GPR107: variants seen among roughly 807,000 people sequenced by gnomAD.
GPR107 encodes protein GPR107.
In GPR107, 31 loss-of-function variants were observed where a neutral mutation model predicts 75.5. That is an observed-to-expected ratio of 0.41 (90% CI 0.31 to 0.55). GPR107 has a LOEUF of 0.55. GPR107 is among the 20% of genes least tolerant of loss of function. The pLI, the probability that GPR107 is intolerant of heterozygous loss-of-function variation, is 0.26. For missense variants in GPR107, 572 were observed against 665.7 expected, an observed-to-expected ratio of 0.86 and a Z score of 1.55; for synonymous variants, 267 against 251.3, an observed-to-expected ratio of 1.06 and a Z score of -0.59.
chr9:130,067,752 C>CCT (rs1554890696), intron 1 of GPR107, among the ~76,000 whole-genome samples: 307 of 115,734 alleles, frequency 2.7e-3, no homozygotes, highest in Admixed American at 3.4e-3. Context: ...CCACCGCCCC[C>CCT]TTTTTTTTTT....
chr9:130,117,693 A>C (rs1373377564), intron 14 of GPR107, among the ~76,000 whole-genome samples: 1 of 152,102 alleles, frequency 6.6e-6, no homozygotes, highest in Non-Finnish European at 1.5e-5. Flanking sequence ...TATTTCTTTA[A>C]TTTTTGTGTT....
In GPR107 at chr9:130,081,363, C is replaced by T. The variant is rs149153908; in HGVS notation, c.526+1594C>T. On this transcript the variant is annotated intron_variant, in intron 5 of 17. Coordinates refer to ENST00000347136, the MANE Select transcript of GPR107 (RefSeq NM_020960.5). Reference sequence around the variant, plus strand: ...GACCAGCCTGGCCAACATGGTGAAACCCCATCTCTACTAAAAATACAAAAA... The same window carrying T: ...GACCAGCCTGGCCAACATGGTGAAATCCCATCTCTACTAAAAATACAAAAA... Among the ~76,000 whole-genome samples, 724 of 152,018 alleles carry T rather than the reference C, an allele frequency of 4.8e-3. 1 individual carries two copies. Among genetic ancestry groups the T allele is most frequent in the Non-Finnish European group, 7.1e-3 (484 of 67,960 alleles).
chr9:130,088,309 G>A lies in GPR107; in HGVS notation c.621+1833G>A, dbSNP rs1474707922. Among the ~76,000 whole-genome samples the A allele has an allele frequency of 2.0e-5, 3 of 152,326 alleles. No homozygotes were observed. In the East Asian group the frequency reaches 5.8e-4, roughly 29 times the overall value. Reference sequence around the variant, plus strand: ...CTGCTCTCGCTGTTCCCACAGGCAGGAATGCTGTCTCTCAGAATTCCGTAA... The same window carrying A: ...CTGCTCTCGCTGTTCCCACAGGCAGAAATGCTGTCTCTCAGAATTCCGTAA... On this transcript the variant is annotated intron_variant, in intron 7 of 17. Coordinates refer to ENST00000347136, the MANE Select transcript of GPR107 (RefSeq NM_020960.5).
rs34230243 is a variant in GPR107 at position 130,096,468 on chromosome 9, C to CTTT, written c.864-2973_864-2971dup. On this transcript the variant is annotated intron_variant, in intron 9 of 17. Coordinates refer to ENST00000347136, the MANE Select transcript of GPR107 (RefSeq NM_020960.5). ...AATGTGTTGCATATACATTTTTGGA[C>CTTT]TTTTTTTTTTTTTTTTTTGAGACCT... 3.1e-3 allele frequency among the ~76,000 whole-genome samples: 385 copies of CTTT among 122,310 alleles called. 19 individuals are homozygous for CTTT. Among genetic ancestry groups the CTTT allele is most frequent in the African/African-American group, 9.0e-3 (287 of 31,730 alleles). 80.2% of individuals were successfully genotyped at this position (122,310 alleles called of 152,430 possible).
At position 130,092,166 on chromosome 9, in the gene GPR107, G is replaced by GT. The variant is rs1830754202; in HGVS notation, c.730-81dup. On this transcript the variant is annotated intron_variant, in intron 8 of 17. Coordinates refer to ENST00000347136, the MANE Select transcript of GPR107 (RefSeq NM_020960.5). ...CTGGTACTTACTTTCTTAAGCTTAA[G>GT]TGAAACAACTGAGATTCCAAATTGC... The GT allele has an allele frequency of 3.2e-6, 4 of 1,240,590 alleles. No homozygotes were observed. The South Asian group carries it at 5.1e-5, about 16-fold the overall frequency. The allele number at this position is 1,240,590 out of a possible 1,614,324, so 76.8% of individuals were successfully genotyped here.
chr9:130,066,166 G>A (rs1376782286), intron 1 of GPR107, among the ~76,000 whole-genome samples: 1 of 151,824 alleles, frequency 6.6e-6, no homozygotes, highest in African/African-American at 2.4e-5. Context: ...GGGTGTGGTG[G>A]TGTGCACCTG....
At chr9:130,056,999 C>T (rs984891744) in intron 1 of GPR107, among the ~76,000 whole-genome samples, 1 of 150,374 alleles carries the variant, frequency 6.7e-6, no homozygotes, top group African/African-American at 2.5e-5. Flanking sequence ...CATCCTGGGC[C>T]GCATGCATCC....
Position 130,103,288 on chromosome 9 carries a change from T to G in GPR107, c.1132-1132T>G, listed in dbSNP as rs1831081368. ...TCCTGTATAGAAAGAGAAATTAAAC[T>G]TAGAGACTTCCTAAATAATAGCACT... On this transcript the variant is annotated intron_variant, in intron 12 of 17. Transcript: ENST00000347136. This position sits in a 1 kb window ranked among gnomAD's most constrained non-coding sequence, Gnocchi z 4.3. 2.6e-5 allele frequency among the ~76,000 whole-genome samples: 4 copies of G among 152,206 alleles called. No homozygotes were observed. Among genetic ancestry groups the G allele is most frequent in the South Asian group, 4.1e-4 (2 of 4,834 alleles).
intron 9 of GPR107, among the ~76,000 whole-genome samples, chr9:130,092,796 T>A (rs1830774095): frequency 6.6e-6 from 1 of 152,074 alleles, no homozygotes; most frequent in Non-Finnish European, 1.5e-5. Context: ...TGTTTTTGTA[T>A]TTTTAGTGGT....
In GPR107 at chr9:130,138,626, G is replaced by A. The variant is rs567083729; in HGVS notation, c.*3505G>A. The A allele has an allele frequency of 2.0e-5, 3 of 151,580 alleles. No homozygotes were observed. Among genetic ancestry groups the A allele is most frequent in the Non-Finnish European group, 4.4e-5 (3 of 67,976 alleles). 9.4% of individuals were successfully genotyped at this position (151,580 alleles called of 1,614,324 possible). On this transcript the variant is annotated 3_prime_UTR_variant, in exon 18 of 18. Transcript: ENST00000347136. ...CACATAGGCTCATTCTGGGTACACC[G>A]GCTAAAGGCTTTGGTGCATTGCAGC...
At chr9:130,081,587 T>C (rs117245410) in intron 5 of GPR107, among the ~76,000 whole-genome samples, 3,397 of 151,098 alleles carry the variant, frequency 0.022, 54 homozygotes, top group Middle Eastern at 0.034. Flanking sequence ...GCAGGAGAAT[T>C]GCTTGGACCA....
chr9:130,123,813 C>A (rs1831609459), intron 14 of GPR107, among the ~76,000 whole-genome samples: 1 of 152,056 alleles, frequency 6.6e-6, no homozygotes. Flanking sequence ...TTAATTTTTT[C>A]AAAATAACAA....
chr9:130,115,233 AC>A (rs533219690), intron 14 of GPR107, among the ~76,000 whole-genome samples: 6 of 151,968 alleles, frequency 3.9e-5, no homozygotes, highest in Non-Finnish European at 8.8e-5. Flanking sequence ...GGATTCATGG[AC>A]CCCAGATTTA....
At position 130,079,617 on chromosome 9, in the gene GPR107, T is replaced by C; in HGVS notation, c.387-13T>C. 1 of 1,612,282 alleles carries C rather than the reference T, an allele frequency of 6.2e-7. No individual in the cohort carries two copies. The highest frequency in any genetic ancestry group is 8.5e-7 in the Non-Finnish European group (1 of 1,179,144). On this transcript the variant is annotated splice_polypyrimidine_tract_variant and intron_variant, in intron 4 of 17. Transcript: ENST00000347136. ...GCTTTGACCTTTTTTCCTTCTGTCT[T>C]ATTTGAATGTAGGGTAAGAGTAAAG... is the stretch of plus-strand genomic sequence containing the variant.
At chr9:130,074,577 C>T (rs1359887747) in intron 1 of GPR107, among the ~76,000 whole-genome samples, 3 of 152,112 alleles carry the variant, frequency 2.0e-5, no homozygotes, top group African/African-American at 4.8e-5. Context: ...GTTGAGACAG[C>T]ATCAAGCAGG....
At chr9:130,066,056 C>G (rs1407377557) in intron 1 of GPR107, among the ~76,000 whole-genome samples, 1 of 152,046 alleles carries the variant, frequency 6.6e-6, no homozygotes, top group African/African-American at 2.4e-5. Flanking sequence ...CCTGTAATCT[C>G]AGCATTTTGG....
At chr9:130,081,887 C>T (rs989296932) in intron 5 of GPR107, among the ~76,000 whole-genome samples, 17 of 151,946 alleles carry the variant, frequency 1.1e-4, no homozygotes, top group African/African-American at 3.6e-4. Flanking sequence ...AAAACAACAA[C>T]AACAACAAAA....
intron 12 of GPR107, among the ~76,000 whole-genome samples, chr9:130,102,418 G>T (rs28427215): frequency 2.0e-5 from 3 of 151,940 alleles, no homozygotes; most frequent in Non-Finnish European, 2.9e-5. Flanking sequence ...CCAGGCTGTC[G>T]TGGGGCATAG....
intron 17 of GPR107, among the ~76,000 whole-genome samples, chr9:130,131,655 C>G (rs1231989495): frequency 4.6e-5 from 7 of 152,026 alleles, no homozygotes; most frequent in African/African-American, 1.7e-4. Flanking sequence ...CTGCATCACA[C>G]CAAGCTCGCC....
Sources: gnomAD v4.1 joint callset for allele counts (sites outside exome capture counted in the v4.1 genomes callset) on GRCh38, gnomAD v4.1.1 for gene constraint, Gnocchi (gnomAD v3.1) non-coding constraint, MANE v1.5 for transcripts, NCBI Gene and HGNC (gene_info 2026-07-23, HGNC 2026-07-21) for gene names.